Variants in GALNT17 observed in about 807,000 individuals in gnomAD.
GALNT17 encodes UDP-GalNAc:polypeptide N-acetylgalactosaminyltransferase-like 3.
Under a neutral mutation model 63.7 loss-of-function variants are expected in GALNT17, and 29 were observed. That is an observed-to-expected ratio of 0.46 (90% CI 0.34 to 0.62). The LOEUF (loss-of-function observed/expected upper bound fraction) is 0.62, where lower values mean the gene tolerates loss of function less well. GALNT17 is among the 20% of genes least tolerant of loss of function. The probability of loss-of-function intolerance (pLI) is 0.01; values close to 1 mark genes in which losing one functional copy is unlikely to be tolerated. For missense variants in GALNT17, 603 were observed against 799.6 expected, an observed-to-expected ratio of 0.75 and a Z score of 2.97; for synonymous variants, 305 against 318.3, an observed-to-expected ratio of 0.96 and a Z score of 0.45.
intron 5 of GALNT17, among the ~76,000 whole-genome samples, chr7:71,492,547 A>G (rs1788028525): frequency 6.6e-6 from 1 of 152,156 alleles, no homozygotes; most frequent in Non-Finnish European, 1.5e-5. Context: ...ATTCAACCAT[A>G]ATCTAACTAA....
chr7:71,628,344 C>T (rs559874985), intron 6 of GALNT17, among the ~76,000 whole-genome samples: 1 of 152,012 alleles, frequency 6.6e-6, no homozygotes, highest in South Asian at 2.1e-4. Flanking sequence ...TTTTTTAAGA[C>T]AGAGTCTCAC....
At chr7:71,599,171 T>C (rs185121770) in intron 6 of GALNT17, among the ~76,000 whole-genome samples, 2 of 152,200 alleles carry the variant, frequency 1.3e-5, no homozygotes, top group South Asian at 2.1e-4. Flanking sequence ...ATCTCAACTT[T>C]AATGAGAAAT....
At chr7:71,687,823 A>G (rs569992477) in intron 9 of GALNT17, among the ~76,000 whole-genome samples, 246 of 152,230 alleles carry the variant, frequency 1.6e-3, no homozygotes, top group African/African-American at 5.6e-3. Flanking sequence ...TGCAACCTCA[A>G]TCTCCCAGAC....
At chr7:71,465,974 T>C (rs1787528009) in intron 5 of GALNT17, among the ~76,000 whole-genome samples, 1 of 152,234 alleles carries the variant, frequency 6.6e-6, no homozygotes, top group Admixed American at 6.5e-5. Context: ...TTCAGACTTT[T>C]AAAGGTGTCA....
At chr7:71,145,063 G>C (rs1401676483) in intron 1 of GALNT17, among the ~76,000 whole-genome samples, 1 of 152,098 alleles carries the variant, frequency 6.6e-6, no homozygotes, top group Non-Finnish European at 1.5e-5. Context: ...TGGAGGACAA[G>C]GGGCTGGAGA....
At chr7:71,343,161 G>A (rs138328805) in intron 2 of GALNT17, among the ~76,000 whole-genome samples, 2 of 152,298 alleles carry the variant, frequency 1.3e-5, no homozygotes, top group African/African-American at 4.8e-5. Context: ...TAAGGCTCTT[G>A]CCTGTAGAAG....
At chr7:71,338,912 C>T (rs62462185) in intron 2 of GALNT17, among the ~76,000 whole-genome samples, 9,540 of 152,254 alleles carry the variant, frequency 0.063, 325 homozygotes, top group Non-Finnish European at 0.086. Flanking sequence ...ATCTCTCTCT[C>T]TACCAAATAA....
chr7:71,508,411 T>C (rs1346966536), intron 5 of GALNT17, among the ~76,000 whole-genome samples: 1 of 152,192 alleles, frequency 6.6e-6, no homozygotes, highest in Non-Finnish European at 1.5e-5. Context: ...TTTGTATCTG[T>C]GACACTGTAT....
chr7:71,410,993 TTC>T (rs1354253377), intron 3 of GALNT17, among the ~76,000 whole-genome samples: 17 of 152,336 alleles, frequency 1.1e-4, no homozygotes, highest in African/African-American at 3.8e-4. Flanking sequence ...AGAAATGAGT[TTC>T]TGTTTTCTTC....
intron 5 of GALNT17, among the ~76,000 whole-genome samples, chr7:71,455,041 A>C (rs940039397): frequency 6.6e-6 from 1 of 152,004 alleles, no homozygotes. Context: ...GGTGGTATGC[A>C]TCTATAGTGG....
chr7:71,404,769 A>G (rs1403720843), intron 3 of GALNT17, among the ~76,000 whole-genome samples: 1 of 152,182 alleles, frequency 6.6e-6, no homozygotes, highest in Non-Finnish European at 1.5e-5. Flanking sequence ...TGGAGGCCCA[A>G]AAGATTCCCT....
chr7:71,612,548 G>A (rs539391866), intron 6 of GALNT17, among the ~76,000 whole-genome samples: 42 of 152,278 alleles, frequency 2.8e-4, no homozygotes, highest in South Asian at 1.7e-3. Flanking sequence ...GGCACACAGC[G>A]TAGATGAGAT....
At chr7:71,485,608 A>C (rs1427289328) in intron 5 of GALNT17, among the ~76,000 whole-genome samples, 5 of 152,228 alleles carry the variant, frequency 3.3e-5, no homozygotes, top group Non-Finnish European at 7.3e-5. Context: ...AGCTTAGTGC[A>C]GATGGTTTTG....
At chr7:71,175,421 C>G (rs144857772) in intron 1 of GALNT17, among the ~76,000 whole-genome samples, 6 of 152,286 alleles carry the variant, frequency 3.9e-5, no homozygotes, top group Non-Finnish European at 8.8e-5. Flanking sequence ...TCTGTATCAT[C>G]TATCTATCTT....
chr7:71,506,563 G>A lies in GALNT17; in HGVS notation c.963-64722G>A, dbSNP rs529603492. On this transcript the variant is annotated intron_variant, in intron 5 of 10. Coordinates refer to ENST00000333538, the MANE Select transcript of GALNT17 (RefSeq NM_022479.3). ...ATTACAGGCGTGAGCTACCCTACCT[G>A]GACTTAGGAATATTAATTTTTTACA... Among the ~76,000 whole-genome samples, 4 of 152,112 alleles carry A rather than the reference G, an allele frequency of 2.6e-5. No homozygotes were observed. In the East Asian group the frequency reaches 7.7e-4, roughly 29 times the overall value.
intron 1 of GALNT17, among the ~76,000 whole-genome samples, chr7:71,334,478 T>TA (rs1227562522): frequency 6.6e-6 from 1 of 152,194 alleles, no homozygotes; most frequent in Non-Finnish European, 1.5e-5. Flanking sequence ...ATTGTGTGTG[T>TA]ATGTGTGTAT....
At chr7:71,610,319 T>C (rs6951947) in intron 6 of GALNT17, among the ~76,000 whole-genome samples, 12,020 of 151,824 alleles carry the variant, frequency 0.079, 559 homozygotes, top group African/African-American at 0.13. Flanking sequence ...AGCAAGACTC[T>C]ATCTCTTTAA....
chr7:71,220,669 T>G lies in GALNT17; in HGVS notation c.238+87629T>G, dbSNP rs78401763. ...GAAAATGGGAGTTAAACGAGGTCAC[T>G]GGGGTGGCCCTTAATCCAATATGCC... On this transcript the variant is annotated intron_variant, in intron 1 of 10. Coordinates refer to ENST00000333538, the MANE Select transcript of GALNT17 (RefSeq NM_022479.3). Among the ~76,000 whole-genome samples, 116 of 152,198 alleles carry G rather than the reference T, an allele frequency of 7.6e-4. 1 individual carries two copies. The highest frequency in any genetic ancestry group is 2.7e-3 in the African/African-American group (113 of 41,536).
At chr7:71,137,360 C>T (rs1029121215) in intron 1 of GALNT17, among the ~76,000 whole-genome samples, 1 of 151,644 alleles carries the variant, frequency 6.6e-6, no homozygotes, top group African/African-American at 2.4e-5. Context: ...AGGATGGTCT[C>T]GATCTCCTGA....
Sources: allele counts gnomAD v4.1 joint callset (sites outside exome capture counted in the v4.1 genomes callset), GRCh38; gene constraint gnomAD v4.1.1; transcripts MANE v1.5; gene names NCBI Gene and HGNC (gene_info 2026-07-23, HGNC 2026-07-21).